WDPCP: variants seen among roughly 807,000 people sequenced by gnomAD.
WDPCP encodes the protein WD repeat-containing and planar cell polarity effector protein fritz homolog.
Under a neutral mutation model 93.1 loss-of-function variants are expected in WDPCP, and 71 were observed. The ratio of observed to expected loss-of-function variants is 0.76; its 90% CI spans 0.63 to 0.93. WDPCP has a LOEUF of 0.93. Among genes scored for constraint, WDPCP ranks in the 40% least tolerant of loss-of-function variants. The probability of loss-of-function intolerance (pLI) is 0.00; values close to 1 mark genes in which losing one functional copy is unlikely to be tolerated. For synonymous variants in WDPCP, 315 were observed against 315.0 expected (o/e 1.00, Z 0.00); for missense variants, 844 against 887.4 (o/e 0.95, Z 0.62).
At chr2:63,146,670 C>T (rs374996991) in intron 17 of WDPCP, among the ~76,000 whole-genome samples, 13 of 152,132 alleles carry the variant, frequency 8.5e-5, no homozygotes, top group Non-Finnish European at 1.8e-4. Context: ...CCACTGTTCC[C>T]GGCCGAGAGT....
At chr2:63,836,441 A>G in the WDPCP span, among the ~76,000 whole-genome samples, 1 of 152,236 alleles carries the variant, frequency 6.6e-6, no homozygotes, top group South Asian at 2.1e-4. Context: ...TGAGGATTTG[A>G]AAGTCAATAA....
intron 3 of WDPCP, among the ~76,000 whole-genome samples, chr2:63,635,766 C>A (rs1411690513): frequency 6.6e-6 from 1 of 152,160 alleles, no homozygotes; most frequent in Non-Finnish European, 1.5e-5. Context: ...CGGTGAAAAT[C>A]TGAAAGGTTT....
intron 13 of WDPCP, among the ~76,000 whole-genome samples, chr2:63,267,349 A>T (rs1351782194): frequency 1.3e-5 from 2 of 152,226 alleles, no homozygotes; most frequent in Non-Finnish European, 2.9e-5. Flanking sequence ...TCAACTCAAA[A>T]TGGATAAAAG....
chr2:63,373,574 T>C (rs1443559156), intron 12 of WDPCP, among the ~76,000 whole-genome samples: 1 of 149,756 alleles, frequency 6.7e-6, no homozygotes, highest in African/African-American at 2.5e-5. Context: ...CTGTTTTAGA[T>C]GTCTTTAAAA....
upstream of WDPCP, chr2:63,589,111 A>G: frequency 6.2e-7 from 1 of 1,614,018 alleles, no homozygotes; most frequent in Non-Finnish European, 8.5e-7. Flanking sequence ...GGTTTCTTGC[A>G]CTTTAGGGAC....
At chr2:63,534,208 G>A (rs1413980931) in intron 1 of WDPCP, among the ~76,000 whole-genome samples, 4 of 152,158 alleles carry the variant, frequency 2.6e-5, no homozygotes, top group Non-Finnish European at 4.4e-5. Context: ...CTGAAATTGA[G>A]GCAATAATTA....
upstream of WDPCP, chr2:63,588,997 T>C (rs756964732): frequency 4.2e-5 from 67 of 1,614,072 alleles, no homozygotes; most frequent in Non-Finnish European, 5.7e-5. Context: ...CCTGACTCTC[T>C]GAGGCTCATT....
chr2:63,496,973 A>T (rs555134957), intron 1 of WDPCP, among the ~76,000 whole-genome samples: 2 of 152,034 alleles, frequency 1.3e-5, no homozygotes, highest in African/African-American at 4.8e-5. Flanking sequence ...TTAGCTGGGC[A>T]TGGTGGAATG....
At chr2:63,486,241 T>C (rs779813615) in intron 4 of WDPCP, among the ~76,000 whole-genome samples, 1 of 151,856 alleles carries the variant, frequency 6.6e-6, no homozygotes, top group Non-Finnish European at 1.5e-5. Context: ...GTATGAATAA[T>C]TAAATGTTAC....
intron 14 of WDPCP, among the ~76,000 whole-genome samples, chr2:63,251,942 C>T (rs1224464136): frequency 6.6e-6 from 1 of 151,608 alleles, no homozygotes; most frequent in African/African-American, 2.4e-5. Context: ...TCTATGAAGC[C>T]AGAACCACCC....
chr2:63,184,695 T>A (rs2104135340), intron 14 of WDPCP, among the ~76,000 whole-genome samples: 1 of 152,304 alleles, frequency 6.6e-6, no homozygotes, highest in Non-Finnish European at 1.5e-5. Flanking sequence ...TACGTTGTGG[T>A]GAAATCCACC....
chr2:63,291,977 C>G (rs1363951365), intron 13 of WDPCP, among the ~76,000 whole-genome samples: 18 of 150,610 alleles, frequency 1.2e-4, no homozygotes, highest in Non-Finnish European at 2.4e-4. Flanking sequence ...ACTAAAAATA[C>G]AAAAAATTAG....
rs111515133 is a variant in WDPCP, at chr2:63,741,889, C to T, written n.308+71733G>A. Among the ~76,000 whole-genome samples the T allele has an allele frequency of 9.5e-3, 1,446 of 151,980 alleles. 20 individuals carry two copies. The highest frequency in any genetic ancestry group is 0.025 in the African/African-American group (1,024 of 41,462). On this transcript the variant is annotated intron_variant and non_coding_transcript_variant, in intron 2 of 4. Coordinates refer to the WDPCP transcript ENST00000467687. Reference sequence around the variant, plus strand: ...AACAAAAAGCAAGATAAATGGAAAACGTTATTAAAATTGGATCATACAACA... The same window carrying T: ...AACAAAAAGCAAGATAAATGGAAAATGTTATTAAAATTGGATCATACAACA...
intron 1 of WDPCP, among the ~76,000 whole-genome samples, chr2:63,510,516 C>T (rs145729112): frequency 1.5e-3 from 235 of 152,220 alleles, no homozygotes; most frequent in African/African-American, 5.3e-3. Flanking sequence ...CTTTGAAAAC[C>T]GGCACAAGAC....
At chr2:63,430,914 T>C (rs887406170) in intron 9 of WDPCP, among the ~76,000 whole-genome samples, 3 of 152,188 alleles carry the variant, frequency 2.0e-5, no homozygotes, top group Non-Finnish European at 2.9e-5. Context: ...TAGAGTTCTG[T>C]GGTGTGAAAT....
chr2:63,576,812 G>T (rs1708148766), intron 1 of WDPCP, among the ~76,000 whole-genome samples: 1 of 152,154 alleles, frequency 6.6e-6, no homozygotes, highest in Non-Finnish European at 1.5e-5. Flanking sequence ...AAGGGTTTGG[G>T]TTGTTGTGTG....
At chr2:63,751,280 C>G (rs1277163400) in intron 2 of WDPCP, among the ~76,000 whole-genome samples, 2 of 151,938 alleles carry the variant, frequency 1.3e-5, no homozygotes, top group Non-Finnish European at 2.9e-5. Context: ...CCTTTTCATG[C>G]CTGTAGAGTT....
chr2:63,605,357 T>C (rs1482413921), intron 3 of WDPCP: 7 of 1,614,212 alleles, frequency 4.3e-6, no homozygotes, highest in Non-Finnish European at 5.9e-6. Context: ...AAGCCATCTG[T>C]GACCACGTCA....
At chr2:63,358,784 G>A (rs1320935945) in intron 12 of WDPCP, among the ~76,000 whole-genome samples, 8 of 151,916 alleles carry the variant, frequency 5.3e-5, no homozygotes, top group Admixed American at 2.0e-4. Flanking sequence ...TACCACTAAC[G>A]GTCAGCATAG....
Sources: gnomAD v4.1 joint callset for allele counts (sites outside exome capture counted in the v4.1 genomes callset) on GRCh38, gnomAD v4.1.1 for gene constraint, MANE v1.5 for transcripts, NCBI Gene and HGNC (gene_info 2026-07-23, HGNC 2026-07-21) for gene names.